The following GATA4 variants were observed in gnomAD, a reference collection of about 807,000 sequenced individuals.
GATA4 encodes GATA binding protein 4.
GATA4 carries 7 observed loss-of-function variants against 37.9 expected under a neutral mutation model. The observed-to-expected ratio is 0.18, with a 90% CI of 0.11 to 0.35. The LOEUF is 0.35. Ranked by LOEUF, GATA4 falls within the 10% of genes least tolerant of loss-of-function variation. The pLI, the probability that GATA4 is intolerant of heterozygous loss-of-function variation, is 1.00. For synonymous variants in GATA4, 372 were observed against 292.6 expected, an observed-to-expected ratio of 1.27 and a Z score of -2.77; for missense variants, 647 against 653.0, an observed-to-expected ratio of 0.99 and a Z score of 0.10.
intron 1 of GATA4, among the ~76,000 whole-genome samples, chr8:11,698,267 G>T (rs1585573906): frequency 6.6e-6 from 1 of 152,162 alleles, no homozygotes; most frequent in Admixed American, 6.5e-5. Flanking sequence ...CACTGTATTT[G>T]ACTTACTTAT....
chr8:11,714,157 A>G (rs1470612544), intron 2 of GATA4, among the ~76,000 whole-genome samples: 1 of 152,264 alleles, frequency 6.6e-6, no homozygotes, highest in South Asian at 2.1e-4. Context: ...AGTATGGAAT[A>G]ACAATTATTT....
chr8:11,689,625 C>G (rs1407905602), upstream of GATA4, among the ~76,000 whole-genome samples: 1 of 152,178 alleles, frequency 6.6e-6, no homozygotes. Flanking sequence ...CTAAGTAGTG[C>G]ATGGAATGAC....
intron 1 of GATA4, chr8:11,692,717 A>G (rs1383232468): frequency 2.0e-6 from 2 of 984,332 alleles, no homozygotes; most frequent in East Asian, 2.3e-4. Context: ...GGAGGCTGGG[A>G]GGGAGAGCAG....
intron 2 of GATA4, among the ~76,000 whole-genome samples, chr8:11,719,967 A>AT (rs1800595944): frequency 6.6e-6 from 1 of 152,120 alleles, no homozygotes; most frequent in African/African-American, 2.4e-5. Flanking sequence ...AGGACGTGTG[A>AT]TTTACTAGGC....
At chr8:11,710,115 G>C (rs559174898) in intron 2 of GATA4, among the ~76,000 whole-genome samples, 99 of 152,288 alleles carry the variant, frequency 6.5e-4, no homozygotes, top group Non-Finnish European at 6.5e-4. Context: ...GCTTTGAAGC[G>C]CTTTTAAATT....
At chr8:11,690,581 G>A (rs186088131), upstream of GATA4, among the ~76,000 whole-genome samples, 1,420 of 152,290 alleles carry the variant, frequency 9.3e-3, 12 homozygotes, top group Non-Finnish European at 0.013. Flanking sequence ...CTGGCCTGGT[G>A]TGGTGGCTCT....
In GATA4 at chr8:11,749,785, CCT is replaced by C. The variant is rs1563228034; in HGVS notation, c.787-322_787-321del. 6.6e-6 allele frequency among the ~76,000 whole-genome samples: 1 copy of C among 152,222 alleles called. No homozygotes were observed. Among genetic ancestry groups the C allele is most frequent in the African/African-American group, 2.4e-5 (1 of 41,460 alleles). ...GGCACCTGCAGCCCCGGTCAGTTCT[CCT>C]CTCAGGAGAAGCTTTCCTGCCGGCA... On this transcript the variant is annotated intron_variant, in intron 3 of 6. Transcript: ENST00000532059. The surrounding 1 kb of genome is among the most constrained non-coding windows in gnomAD (Gnocchi z 4.6).
In GATA4 at chr8:11,749,594, C is replaced by T. The variant is rs1802196237; in HGVS notation, c.786+509C>T. 6.6e-6 allele frequency among the ~76,000 whole-genome samples: 1 copy of T among 152,190 alleles called. No homozygotes were observed. Among genetic ancestry groups the T allele is most frequent in the South Asian group, 2.1e-4 (1 of 4,826 alleles). On this transcript the variant is annotated intron_variant, in intron 3 of 6. Transcript: ENST00000532059. This position sits in a 1 kb window ranked among gnomAD's most constrained non-coding sequence, Gnocchi z 4.6. ...GGGGCTTGGCTCCTGGCTTCCTGCT[C>T]CTTTTTAATATAATTTGATTCTGGT...
intron 1 of GATA4, chr8:11,692,759 C>CG: frequency 1.0e-6 from 1 of 982,284 alleles, no homozygotes; most frequent in Non-Finnish European, 1.2e-6. Flanking sequence ...CGCGGACGGA[C>CG]GGGGGGCGGG....
At chr8:11,740,818 C>T (rs1425683900) in intron 2 of GATA4, among the ~76,000 whole-genome samples, 1 of 151,868 alleles carries the variant, frequency 6.6e-6, no homozygotes, top group Non-Finnish European at 1.5e-5. Flanking sequence ...ACTGCAACCT[C>T]TGCCTCCTGG....
At chr8:11,747,290 C>G (rs1363704761) in intron 2 of GATA4, among the ~76,000 whole-genome samples, 1 of 152,180 alleles carries the variant, frequency 6.6e-6, no homozygotes, top group Non-Finnish European at 1.5e-5. Flanking sequence ...AGAAAACTGG[C>G]CCAGCCTGTC....
At chr8:11,698,677 C>A (rs540244794) in intron 1 of GATA4, among the ~76,000 whole-genome samples, 1 of 152,178 alleles carries the variant, frequency 6.6e-6, no homozygotes, top group African/African-American at 2.4e-5. Context: ...CCTTCATCCC[C>A]GGAGGCCCGG....
rs906632357 is a variant in GATA4, at chr8:11,745,959, C to T, written c.617-2957C>T. ...GTTCGTTTTCATATTCTGTCCCCTT[C>T]TGAATATGTTTAAATTTTTTCATAA... On this transcript the variant is annotated intron_variant, in intron 2 of 6. Transcript: ENST00000532059. Among the ~76,000 whole-genome samples the T allele has an allele frequency of 4.6e-5, 7 of 152,266 alleles. No individual in the cohort carries two copies. The East Asian group carries it at 1.4e-3, about 29-fold the overall frequency.
At chr8:11,723,577 C>G (rs1216213103) in intron 2 of GATA4, among the ~76,000 whole-genome samples, 1 of 152,182 alleles carries the variant, frequency 6.6e-6, no homozygotes, top group Non-Finnish European at 1.5e-5. Flanking sequence ...CCCCAAGAAA[C>G]CTGGCTCCTG....
At chr8:11,698,368 C>T (rs1003691718) in intron 1 of GATA4, among the ~76,000 whole-genome samples, 1 of 152,202 alleles carries the variant, frequency 6.6e-6, no homozygotes, top group African/African-American at 2.4e-5. Flanking sequence ...TGTAGTATTC[C>T]TGGCACAGAG....
intron 2 of GATA4, among the ~76,000 whole-genome samples, chr8:11,735,329 T>G (rs1417094064): frequency 2.0e-5 from 3 of 152,228 alleles, no homozygotes; most frequent in Non-Finnish European, 4.4e-5. Context: ...ATAGATTAAT[T>G]GGAAGGATAT....
At chr8:11,702,461 C>G (rs1429915759), upstream of GATA4, among the ~76,000 whole-genome samples, 5 of 151,716 alleles carry the variant, frequency 3.3e-5, no homozygotes, top group African/African-American at 4.8e-5. The surrounding 1 kb of genome is among the most constrained non-coding windows in gnomAD (Gnocchi z 4.4). Context: ...CTTCGCGCCT[C>G]TCTCGCTCGC....
intron 2 of GATA4, among the ~76,000 whole-genome samples, chr8:11,727,561 G>T (rs1585637350): frequency 6.6e-6 from 1 of 152,182 alleles, no homozygotes; most frequent in African/African-American, 2.4e-5. Flanking sequence ...ATTCCTGCTA[G>T]CCTGGGTGCG....
At chr8:11,735,676 C>T (rs1367418199) in intron 2 of GATA4, among the ~76,000 whole-genome samples, 1 of 152,212 alleles carries the variant, frequency 6.6e-6, no homozygotes, top group Non-Finnish European at 1.5e-5. Flanking sequence ...GATTCTTCTG[C>T]TTCAGCCTCC....
Sources: allele counts gnomAD v4.1 joint callset (sites outside exome capture counted in the v4.1 genomes callset), GRCh38; gene constraint gnomAD v4.1.1; non-coding constraint Gnocchi (gnomAD v3.1); transcripts MANE v1.5; gene names NCBI Gene and HGNC (gene_info 2026-07-23, HGNC 2026-07-21).